The following RAB38 variants were observed in gnomAD, a reference collection of about 807,000 sequenced individuals.
RAB38 encodes RAB38, member RAS oncogene family, also known as ras-related protein Rab-38.
Under a neutral mutation model 18.4 loss-of-function variants are expected in RAB38, and 15 were observed. The observed-to-expected ratio is 0.82, with a 90% CI of 0.55 to 1.26. The LOEUF (loss-of-function observed/expected upper bound fraction) is 1.26, where lower values mean the gene tolerates loss of function less well. Ranked by LOEUF, RAB38 falls within the 50% of genes most tolerant of loss-of-function variation. RAB38 has a pLI of 0.00. For synonymous variants in RAB38, 101 were observed against 104.4 expected, an observed-to-expected ratio of 0.97 and a Z score of 0.20; for missense variants, 294 against 267.4, an observed-to-expected ratio of 1.10 and a Z score of -0.69.
the RAB38 span, among the ~76,000 whole-genome samples, chr11:87,919,448 C>T: frequency 8.6e-5 from 13 of 151,786 alleles, no homozygotes; most frequent in African/African-American, 2.7e-4. Flanking sequence ...CAGGAATTAA[C>T]CCCACTTGCT....
chr11:88,112,312 G>A (rs1942483852), downstream of RAB38, among the ~76,000 whole-genome samples: 1 of 152,172 alleles, frequency 6.6e-6, no homozygotes, highest in South Asian at 2.1e-4. Context: ...GAGGAGAAAT[G>A]GGGGCAGAAC....
At chr11:87,866,963 C>T in the RAB38 span, among the ~76,000 whole-genome samples, 2 of 151,774 alleles carry the variant, frequency 1.3e-5, no homozygotes, top group South Asian at 2.1e-4. Context: ...AAATGAGAAA[C>T]ATGCAAAATA....
the RAB38 span, among the ~76,000 whole-genome samples, chr11:87,965,693 T>C: frequency 6.6e-6 from 1 of 152,182 alleles, no homozygotes; most frequent in South Asian, 2.1e-4. Context: ...ACATGCGAAC[T>C]ACCTGAGCAT....
chr11:88,171,144 T>A (rs1943307800), intron 1 of RAB38, among the ~76,000 whole-genome samples: 2 of 152,220 alleles, frequency 1.3e-5, no homozygotes, highest in African/African-American at 4.8e-5. Context: ...CTAACACTCA[T>A]TCAGCATTTA....
the RAB38 span, among the ~76,000 whole-genome samples, chr11:88,092,524 G>A: frequency 1.3e-5 from 2 of 151,560 alleles, no homozygotes; most frequent in Admixed American, 6.6e-5. Flanking sequence ...TTCCCACTAT[G>A]AGTACAGCAC....
At chr11:87,973,259 C>T in the RAB38 span, among the ~76,000 whole-genome samples, 1 of 151,840 alleles carries the variant, frequency 6.6e-6, no homozygotes, top group Non-Finnish European at 1.5e-5. Flanking sequence ...CATATTTTGT[C>T]CATTAAATAA....
the RAB38 span, among the ~76,000 whole-genome samples, chr11:88,099,295 T>A: frequency 2.0e-5 from 3 of 152,024 alleles, no homozygotes; most frequent in South Asian, 6.2e-4. Context: ...GCCTGGCTTA[T>A]CATTAAATAT....
chr11:88,091,423 G>A, the RAB38 span, among the ~76,000 whole-genome samples: 50 of 152,120 alleles, frequency 3.3e-4, no homozygotes, highest in Middle Eastern at 3.4e-3. Context: ...GCTCTTGAAA[G>A]AGACTTTGAC....
At chr11:87,941,672 G>C in the RAB38 span, among the ~76,000 whole-genome samples, 1 of 152,080 alleles carries the variant, frequency 6.6e-6, no homozygotes, top group Non-Finnish European at 1.5e-5. Flanking sequence ...TTTTCAATAA[G>C]TTACAGCTAT....
chr11:88,126,502 G>A (rs1239772262), intron 2 of RAB38, among the ~76,000 whole-genome samples: 1 of 152,078 alleles, frequency 6.6e-6, no homozygotes, highest in East Asian at 1.9e-4. Flanking sequence ...GTTGATCAGT[G>A]AAAACACTTG....
chr11:88,131,908 C>T (rs1012577874), intron 2 of RAB38, among the ~76,000 whole-genome samples: 7 of 152,148 alleles, frequency 4.6e-5, no homozygotes, highest in African/African-American at 1.7e-4. Flanking sequence ...TGTAAAAAGG[C>T]CACATGGTTA....
rs765639791 is a variant in RAB38 at position 88,113,954 on chromosome 11, G to A, written c.*34C>T. The A allele has an allele frequency of 1.9e-6, 3 of 1,612,452 alleles. No individual in the cohort carries two copies. Among genetic ancestry groups the A allele is most frequent in the African/African-American group, 2.7e-5 (2 of 74,880 alleles). ...AGAGGCACAATTTGTGGAACAATGA[G>A]GTCATTCCTACCAGACACCAGCAAA... On this transcript the variant is annotated 3_prime_UTR_variant, in exon 3 of 3. Coordinates refer to ENST00000243662, the MANE Select transcript of RAB38 (RefSeq NM_022337.3).
chr11:87,955,534 A>G, the RAB38 span, among the ~76,000 whole-genome samples: 4 of 152,176 alleles, frequency 2.6e-5, no homozygotes, highest in East Asian at 7.7e-4. Flanking sequence ...AAGTATCAGT[A>G]GACAATATGA....
the RAB38 span, among the ~76,000 whole-genome samples, chr11:88,068,971 G>A: frequency 6.6e-6 from 1 of 152,206 alleles, no homozygotes. Flanking sequence ...CCCTTCAGCC[G>A]GCCGCTGCAG....
At chr11:88,170,741 G>C (rs1320767616) in intron 1 of RAB38, among the ~76,000 whole-genome samples, 1 of 152,188 alleles carries the variant, frequency 6.6e-6, no homozygotes, top group African/African-American at 2.4e-5. Flanking sequence ...CTTATTTTAA[G>C]TATTTAGAGG....
the RAB38 span, among the ~76,000 whole-genome samples, chr11:87,828,391 A>T: frequency 6.6e-6 from 1 of 152,158 alleles, no homozygotes; most frequent in Admixed American, 6.6e-5. Flanking sequence ...TTTGATACTC[A>T]TTTTTAAATC....
chr11:88,174,643 A>G (rs1360658501), intron 1 of RAB38, among the ~76,000 whole-genome samples: 3 of 88,614 alleles, frequency 3.4e-5, no homozygotes, highest in Non-Finnish European at 8.1e-5. Context: ...AAAAAAAAAC[A>G]AAACAAAAAC....
At chr11:88,171,861 A>T (rs753408555) in intron 1 of RAB38, among the ~76,000 whole-genome samples, 85 of 152,332 alleles carry the variant, frequency 5.6e-4, no homozygotes, top group Middle Eastern at 3.4e-3. Context: ...TTTTCCCTAA[A>T]TGACCTATTT....
the RAB38 span, among the ~76,000 whole-genome samples, chr11:87,853,708 G>A: frequency 6.6e-6 from 1 of 152,320 alleles, no homozygotes; most frequent in African/African-American, 2.4e-5. Context: ...GTTCAGAAAA[G>A]TCTTGAATTT....
Sources: allele counts gnomAD v4.1 joint callset (sites outside exome capture counted in the v4.1 genomes callset), GRCh38; gene constraint gnomAD v4.1.1; transcripts MANE v1.5; gene names NCBI Gene and HGNC (gene_info 2026-07-23, HGNC 2026-07-21).